LRP2: variants seen among roughly 807,000 people sequenced by gnomAD.
The protein encoded by LRP2 is LDL receptor related protein 2.
In LRP2, 172 loss-of-function variants were observed where a neutral mutation model predicts 531.0. That is an observed-to-expected ratio of 0.32 (90% CI 0.29 to 0.37). The LOEUF (loss-of-function observed/expected upper bound fraction) is 0.37. Ranked by LOEUF, LRP2 falls within the 10% of genes least tolerant of loss-of-function variation. The pLI is 1.00. For synonymous variants in LRP2, 1,992 were observed against 2,027.6 expected, an observed-to-expected ratio of 0.98 and a Z score of 0.47; for missense variants, 5,167 against 5,868.3, an observed-to-expected ratio of 0.88 and a Z score of 3.90.
At chr2:169,173,052 G>A in intron 57 of LRP2, 44 bp downstream of exon 57, 1 of 1,612,818 alleles carries the variant, frequency 6.2e-7, no homozygotes, top group Non-Finnish European at 8.5e-7. Context: ...CTTGACATGT[G>A]CACTTTCTTG....
chr2:169,307,166 T>C (rs1026119716), intron 4 of LRP2, 115 bp downstream of exon 4: 32 of 777,124 alleles, frequency 4.1e-5, no homozygotes, highest in African/African-American at 6.8e-5. Flanking sequence ...GAGATTGCAA[T>C]AACAAGAGGC....
intron 1 of LRP2, among the ~76,000 whole-genome samples, chr2:169,326,528 C>T (rs910533427): frequency 6.6e-6 from 1 of 151,890 alleles, no homozygotes; most frequent in African/African-American, 2.4e-5. Context: ...CTCAATGGTG[C>T]CCAGGCTGGA....
chr2:169,346,689 A>G (rs1685704952), intron 1 of LRP2, among the ~76,000 whole-genome samples: 1 of 152,190 alleles, frequency 6.6e-6, no homozygotes, highest in Non-Finnish European at 1.5e-5. Flanking sequence ...TTTTTTAAAA[A>G]TAGAAAAACA....
At chr2:169,245,956 A>G (rs1182193802) in intron 21 of LRP2, among the ~76,000 whole-genome samples, 1 of 152,100 alleles carries the variant, frequency 6.6e-6, no homozygotes, top group Non-Finnish European at 1.5e-5. Flanking sequence ...CTGCAGCCTC[A>G]ACCTCCCCAG....
intron 34 of LRP2, among the ~76,000 whole-genome samples, chr2:169,217,227 C>T (rs1688831247): frequency 6.6e-6 from 1 of 152,142 alleles, no homozygotes; most frequent in Non-Finnish European, 1.5e-5. Context: ...AGACAATTCT[C>T]CTACATTCTT....
At position 169,132,646 on chromosome 2, in the gene LRP2, A is replaced by G. The variant is rs1394130969; in HGVS notation, c.13656T>C (p.Tyr4552=). 10 of 1,608,334 alleles carry G rather than the reference A, an allele frequency of 6.2e-6. No individual in the cohort carries two copies. The highest frequency in any genetic ancestry group is 2.2e-5 in the East Asian group (1 of 44,854). Residue 4552 remains tyrosine (Y), a synonymous_variant, in exon 77 of 79, where the codon TAT becomes TAC. Transcript: ENST00000649046. ...TCTCAGAAGGGTTTATGGGACTTCC[A>G]TAATTCTTATTATCCACATTTTCAG... ...TVSENVDNKN[Y]GSPINPSEIV...
intron 37 of LRP2, 74 bp downstream of exon 37, chr2:169,211,894 T>A: frequency 6.3e-7 from 1 of 1,587,104 alleles, no homozygotes; most frequent in Non-Finnish European, 8.6e-7. Flanking sequence ...CATGAAGAAA[T>A]GTTTTCATGG....
In LRP2 at chr2:169,239,579, C is replaced by A; in HGVS notation, c.4242G>T (p.Ser1414=). 1 of 1,614,058 alleles carries A rather than the reference C, an allele frequency of 6.2e-7. No homozygotes were observed. The highest frequency in any genetic ancestry group is 8.5e-7 in the Non-Finnish European group (1 of 1,179,942). ...CYNMRGSFRC[S]CDTGYMLESD... ...TTTCTAACATGTAGCCTGTATCACA[C>A]GAGCACCGGAAAGAACCTCTCATAT... The change falls in exon 26 of 79, where the codon TCG becomes TCT. Residue 1414 remains serine (S), a synonymous_variant. Transcript: ENST00000649046.
At chr2:169,195,719 G>A (rs185165108) in intron 46 of LRP2, among the ~76,000 whole-genome samples, 117 of 152,268 alleles carry the variant, frequency 7.7e-4, no homozygotes, top group Middle Eastern at 3.4e-3. Flanking sequence ...TCATCCAGCA[G>A]TTATTAGTTA....
At chr2:169,285,636 C>T (rs1053201930) in intron 9 of LRP2, among the ~76,000 whole-genome samples, 4 of 152,164 alleles carry the variant, frequency 2.6e-5, no homozygotes, top group Middle Eastern at 3.2e-3. Context: ...TGGCCACCCT[C>T]TGATCCATCT....
At position 169,128,615 on chromosome 2, in the gene LRP2, A is replaced by T. The variant is rs762460340; in HGVS notation, c.*48T>A. On this transcript the variant is annotated 3_prime_UTR_variant, in exon 79 of 79. Transcript: ENST00000649046. ...CTTTTTTCATCTGTTTGTAAAAAAT[A>T]TATGTGCAAAAGTGTGTTTCTAATT... The T allele has an allele frequency of 1.3e-6, 2 of 1,558,918 alleles. 1 individual carries two copies. The highest frequency in any genetic ancestry group is 2.2e-5 in the South Asian group (2 of 89,658).
intron 52 of LRP2, 30 bp downstream of exon 52, chr2:169,181,418 C>T: frequency 6.2e-7 from 1 of 1,602,506 alleles, no homozygotes. Flanking sequence ...AACAGTTACA[C>T]AATTGTTTTA....
chr2:169,270,316 T>C (rs905063909), intron 16 of LRP2, among the ~76,000 whole-genome samples: 11 of 152,276 alleles, frequency 7.2e-5, no homozygotes, highest in African/African-American at 1.9e-4. Context: ...CGTATGTTTA[T>C]TGCGGCACTA....
Position 169,244,894 on chromosome 2 carries a change from C to T in LRP2, c.3229G>A (p.Gly1077Arg). ...CSSSAFTCGH[G>R]ECIPAHWRCD... Reference sequence around the variant, plus strand: ...CGCCAGTGTGCAGGAATGCACTCCCCATGGCCACAGGTGAACGCCGAAGAT... The same window carrying T: ...CGCCAGTGTGCAGGAATGCACTCCCTATGGCCACAGGTGAACGCCGAAGAT... Residue 1077 changes from glycine to arginine, a missense_variant, in exon 22 of 79, where the codon GGG becomes AGG. Gly to Arg is a moderately radical substitution (Grantham distance 125). Coordinates refer to ENST00000649046, the MANE Select transcript of LRP2 (RefSeq NM_004525.3). The T allele has an allele frequency of 6.2e-7, 1 of 1,614,246 alleles. No individual in the cohort carries two copies. Among genetic ancestry groups the T allele is most frequent in the Non-Finnish European group, 8.5e-7 (1 of 1,180,038 alleles).
At chr2:169,184,831 A>G (rs2284678) in intron 50 of LRP2, among the ~76,000 whole-genome samples, 108,325 of 151,750 alleles carry the variant, frequency 0.71, 38,937 homozygotes, top group South Asian at 0.81. Flanking sequence ...GCATGTTCTC[A>G]GTCCCTGCAA....
At chr2:169,147,614 G>C (rs1487795706) in intron 68 of LRP2, among the ~76,000 whole-genome samples, 1 of 152,150 alleles carries the variant, frequency 6.6e-6, no homozygotes, top group Admixed American at 6.5e-5. Context: ...ACCACACCCA[G>C]CAACTCTTTT....
chr2:169,304,577 T>G (rs1684365825), intron 4 of LRP2, among the ~76,000 whole-genome samples: 1 of 152,196 alleles, frequency 6.6e-6, no homozygotes, highest in African/African-American at 2.4e-5. Flanking sequence ...ACCTACTGTG[T>G]GCTTTACAAA....
chr2:169,165,844 A>G, intron 62 of LRP2, 88 bp downstream of exon 62: 1 of 1,528,058 alleles, frequency 6.5e-7, no homozygotes, highest in Non-Finnish European at 9.0e-7. Flanking sequence ...ACTCTATAGA[A>G]CAAACTGAAA....
intron 33 of LRP2, 125 bp from the exon 34 acceptor site, chr2:169,220,688 T>G (rs1688961823): frequency 1.4e-6 from 1 of 697,336 alleles, no homozygotes; most frequent in Non-Finnish European, 2.6e-6. Flanking sequence ...AGAGAGGATT[T>G]GCATGAGATT....
Sources: gnomAD v4.1 joint callset for allele counts (sites outside exome capture counted in the v4.1 genomes callset) on GRCh38, gnomAD v4.1.1 for gene constraint, MANE v1.5 for transcripts, NCBI Gene and HGNC (gene_info 2026-07-23, HGNC 2026-07-21) for gene names.